ALK: variants seen among roughly 807,000 people sequenced by gnomAD.
ALK encodes ALK receptor tyrosine kinase, also known as ALK tyrosine kinase receptor.
In ALK, 74 loss-of-function variants were observed where a neutral mutation model predicts 163.1. That is an observed-to-expected ratio of 0.45 (90% confidence interval 0.38 to 0.55). The LOEUF (loss-of-function observed/expected upper bound fraction) is 0.55. Among genes scored for constraint, ALK ranks in the 20% least tolerant of loss-of-function variants. The pLI is 0.00. For missense variants in ALK, 2,063 were observed against 2,105.3 expected, an observed-to-expected ratio of 0.98 and a Z score of 0.39; for synonymous variants, 960 against 843.2, an observed-to-expected ratio of 1.14 and a Z score of -2.40.
chr2:29,223,322 G>T lies in ALK; in HGVS notation c.3359+20C>A. 6.2e-7 allele frequency: 1 copy of T among 1,613,708 alleles called. No individual in the cohort carries two copies. The highest frequency in any genetic ancestry group is 2.2e-5 in the East Asian group (1 of 44,882). On this transcript the variant is annotated intron_variant, in intron 20 of 28. Transcript: ENST00000389048. ...CTACACTGCACCCCTCTCCTCCCAGGACGGCAGCAGGGCGCTCACCGAATG... is the reference window on the plus strand; with the variant it reads ...CTACACTGCACCCCTCTCCTCCCAGTACGGCAGCAGGGCGCTCACCGAATG...
intron 1 of ALK, among the ~76,000 whole-genome samples, chr2:29,733,392 G>A (rs1281463092): frequency 6.6e-6 from 1 of 152,154 alleles, no homozygotes; most frequent in African/African-American, 2.4e-5. Context: ...AATCCCAGAT[G>A]GTACCATGCT....
At chr2:29,245,584 C>T (rs1181240601) in intron 12 of ALK, among the ~76,000 whole-genome samples, 7 of 107,968 alleles carry the variant, frequency 6.5e-5, no homozygotes, top group African/African-American at 1.1e-4. Context: ...CTGCACACAG[C>T]AGGGCTCCAT....
chr2:29,671,062 T>A (rs1165041101), intron 3 of ALK, among the ~76,000 whole-genome samples: 1 of 152,056 alleles, frequency 6.6e-6, no homozygotes, highest in Non-Finnish European at 1.5e-5. Flanking sequence ...TTGTTTTGTG[T>A]TGGTATGTGT....
chr2:29,246,941 C>T lies in ALK; in HGVS notation c.2204+4164G>A, dbSNP rs78060962. Among the ~76,000 whole-genome samples, 457 of 152,316 alleles carry T rather than the reference C, an allele frequency of 3.0e-3. 6 individuals carry two copies. The highest frequency in any genetic ancestry group is 0.01 in the African/African-American group (431 of 41,560). ...GACCTGGCCCTGCTGCCTCCAGCCT[C>T]GGCTCCCCGAGGCCAGCCTTGCCCG... On this transcript the variant is annotated intron_variant, in intron 12 of 28. Coordinates refer to ENST00000389048, the MANE Select transcript of ALK (RefSeq NM_004304.5). This position sits in a 1 kb window ranked among gnomAD's most constrained non-coding sequence, Gnocchi z 4.3.
intron 4 of ALK, among the ~76,000 whole-genome samples, chr2:29,524,827 AATGG>A (rs1439322180): frequency 1.3e-5 from 2 of 150,756 alleles, no homozygotes; most frequent in African/African-American, 2.4e-5. Flanking sequence ...TGGATGGATG[AATGG>A]ATGGATGGTA....
intron 11 of ALK, among the ~76,000 whole-genome samples, chr2:29,257,268 C>A (rs1664973020): frequency 6.6e-6 from 1 of 151,988 alleles, no homozygotes; most frequent in Non-Finnish European, 1.5e-5. Context: ...TGCCTTATCT[C>A]ATTCTTACAC....
At position 29,290,132 on chromosome 2, in the gene ALK, C is replaced by G. The variant is rs571873871; in HGVS notation, c.1817+6756G>C. Reference sequence around the variant, plus strand: ...TGGAAACCTTCACAGGATGCTGTCTCGTGAAGTGAAAGGAGGGGAGGAAGG... The same window carrying G: ...TGGAAACCTTCACAGGATGCTGTCTGGTGAAGTGAAAGGAGGGGAGGAAGG... On this transcript the variant is annotated intron_variant, in intron 9 of 28. Transcript: ENST00000389048. Among the ~76,000 whole-genome samples the G allele has an allele frequency of 9.2e-5, 14 of 152,256 alleles. No homozygotes were observed. In the South Asian group the frequency reaches 2.9e-3, roughly 32 times the overall value.
intron 3 of ALK, among the ~76,000 whole-genome samples, chr2:29,644,236 T>TGTTGC (rs1676805833): frequency 9.9e-6 from 1 of 101,410 alleles, no homozygotes. Flanking sequence ...CATCACACAC[T>TGTTGC]GGGGCCTGTT....
chr2:29,584,091 A>G (rs1249351513), intron 3 of ALK, among the ~76,000 whole-genome samples: 1 of 152,100 alleles, frequency 6.6e-6, no homozygotes, highest in Non-Finnish European at 1.5e-5. Context: ...GGGGGTGTTC[A>G]AGAGAGCCCC....
rs116894563 is a variant in ALK at position 29,526,214 on chromosome 2, C to G, written c.1154+5701G>C. On this transcript the variant is annotated intron_variant, in intron 4 of 28. Transcript: ENST00000389048. ...TGCTTGTTGATCTAATTTAAACCCA[C>G]GACAACCCCGTGAGTGGCACAATTA... Among the ~76,000 whole-genome samples the G allele has an allele frequency of 4.4e-3, 676 of 152,220 alleles. 15 individuals are homozygous for G. In the South Asian group the frequency reaches 0.061, roughly 14 times the overall value.
At chr2:29,451,486 C>G (rs1285357991) in intron 4 of ALK, among the ~76,000 whole-genome samples, 1 of 152,198 alleles carries the variant, frequency 6.6e-6, no homozygotes, top group Non-Finnish European at 1.5e-5. Context: ...CACAACCAAA[C>G]TGCAGCCAAC....
chr2:29,833,738 G>T (rs1188848817), intron 1 of ALK, among the ~76,000 whole-genome samples: 1 of 152,206 alleles, frequency 6.6e-6, no homozygotes, highest in Non-Finnish European at 1.5e-5. Context: ...CCGTTCATAG[G>T]TGGTAGATTC....
intron 26 of ALK, among the ~76,000 whole-genome samples, chr2:29,200,234 T>C (rs1005208630): frequency 1.3e-5 from 2 of 152,206 alleles, no homozygotes; most frequent in Non-Finnish European, 2.9e-5. Context: ...CAAAATCAAA[T>C]GAACAAGAAA....
intron 3 of ALK, among the ~76,000 whole-genome samples, chr2:29,535,319 G>T (rs796261223): frequency 4.6e-5 from 7 of 152,266 alleles, no homozygotes; most frequent in African/African-American, 1.7e-4. Context: ...AATATGAAAT[G>T]ATTTTTATTT....
intron 1 of ALK, among the ~76,000 whole-genome samples, chr2:29,826,087 C>T (rs542418600): frequency 3.1e-4 from 47 of 152,210 alleles, no homozygotes; most frequent in African/African-American, 1.1e-3. Flanking sequence ...CAGGTGCCCA[C>T]CTGCAACTGT....
chr2:29,321,598 T>C (rs1464348713), intron 6 of ALK, among the ~76,000 whole-genome samples: 1 of 152,222 alleles, frequency 6.6e-6, no homozygotes, highest in Non-Finnish European at 1.5e-5. Flanking sequence ...GTTCCCTTGC[T>C]GAAACAACCA....
intron 8 of ALK, among the ~76,000 whole-genome samples, chr2:29,317,678 T>G (rs1666870500): frequency 6.6e-6 from 1 of 152,218 alleles, no homozygotes. Context: ...AATCAATCAG[T>G]GGTGGAACCC....
At chr2:29,421,201 G>T (rs1573339223) in intron 4 of ALK, among the ~76,000 whole-genome samples, 1 of 151,498 alleles carries the variant, frequency 6.6e-6, no homozygotes, top group African/African-American at 2.5e-5. Context: ...CAACATAGCA[G>T]TGAGTGGCAA....
In ALK at chr2:29,805,714, G is replaced by A. The variant is rs955964692; in HGVS notation, c.668-88017C>T. On this transcript the variant is annotated intron_variant, in intron 1 of 28. Coordinates refer to ENST00000389048, the MANE Select transcript of ALK (RefSeq NM_004304.5). Reference sequence around the variant, plus strand: ...CTGCATAGTATTCCATGGTGTATATGTGCCACATTTTCTTTATCCAGTCTA... The same window carrying A: ...CTGCATAGTATTCCATGGTGTATATATGCCACATTTTCTTTATCCAGTCTA... Among the ~76,000 whole-genome samples, 3 of 152,234 alleles carry A rather than the reference G, an allele frequency of 2.0e-5. No individual in the cohort carries two copies. In the East Asian group the frequency reaches 5.8e-4, roughly 29 times the overall value.
Sources: gnomAD v4.1 joint callset for allele counts (sites outside exome capture counted in the v4.1 genomes callset) on GRCh38, gnomAD v4.1.1 for gene constraint, Gnocchi (gnomAD v3.1) non-coding constraint, MANE v1.5 for transcripts, NCBI Gene and HGNC (gene_info 2026-07-23, HGNC 2026-07-21) for gene names.